The following PCDH11X variants were observed in gnomAD, a reference collection of about 807,000 sequenced individuals.
PCDH11X encodes the protein protocadherin-11 X-linked.
PCDH11X carries 18 observed loss-of-function variants against 53.3 expected under a neutral mutation model. That is an observed-to-expected ratio of 0.34 (90% confidence interval 0.23 to 0.50). The LOEUF is 0.50. Ranked by LOEUF, PCDH11X falls within the 20% of genes least tolerant of loss-of-function variation. The pLI is 0.98. For missense variants in PCDH11X, 570 were observed against 1,032.4 expected, an observed-to-expected ratio of 0.55 and a Z score of 6.14; for synonymous variants, 279 against 393.3, an observed-to-expected ratio of 0.71 and a Z score of 3.44.
intron 10 of PCDH11X, among the ~76,000 whole-genome samples, chrX:92,588,763 A>G (rs1452351717): frequency 9.1e-6 from 1 of 110,349 alleles, no homozygotes; most frequent in Admixed American, 9.8e-5. Flanking sequence ...ATACTATTGA[A>G]TAACAGAGAA....
chrX:92,488,252 T>G (rs768854725), intron 10 of PCDH11X, among the ~76,000 whole-genome samples: 2 of 110,738 alleles, frequency 1.8e-5, no homozygotes, highest in African/African-American at 6.6e-5. Context: ...TTCAGTGTCT[T>G]GAGAATTAAC....
chrX:92,534,652 G>C (rs1469604228), intron 10 of PCDH11X, among the ~76,000 whole-genome samples: 1 of 111,401 alleles, frequency 9.0e-6, no homozygotes, highest in African/African-American at 3.3e-5. Context: ...GGCAGCCAGA[G>C]AGAAAGGTCA....
At chrX:92,268,712 G>T (rs1159017995) in intron 8 of PCDH11X, among the ~76,000 whole-genome samples, 1 of 111,473 alleles carries the variant, frequency 9.0e-6, no homozygotes, top group Non-Finnish European at 1.9e-5. Context: ...TAACTCAATG[G>T]TAATGGCTGA....
intron 6 of PCDH11X, among the ~76,000 whole-genome samples, chrX:91,959,737 G>C: frequency 9.8e-6 from 1 of 102,201 alleles, no homozygotes; most frequent in Middle Eastern, 5.1e-3. Flanking sequence ...TGGCTATTGT[G>C]AATGCTGCAA....
At position 92,358,023 on chromosome X, in the gene PCDH11X, G is replaced by A. The variant is rs762009459; in HGVS notation, c.3145-29712G>A. Among the ~76,000 whole-genome samples the A allele has an allele frequency of 7.8e-4, 86 of 109,562 alleles. 1 individual carries two copies. The highest frequency in any genetic ancestry group is 2.5e-3 in the African/African-American group (76 of 30,209). On this transcript the variant is annotated intron_variant, in intron 8 of 10. Coordinates refer to ENST00000682573, the MANE Select transcript of PCDH11X (RefSeq NM_032968.5). The stretch of plus-strand genomic sequence containing the variant: ...TGTAGAATGGACAATAATTGGTGAC[G>A]TCTATGGGGCCAAAGCCAAGGACCC...
At chrX:92,097,380 A>G (rs1435107288) in intron 6 of PCDH11X, among the ~76,000 whole-genome samples, 1 of 107,514 alleles carries the variant, frequency 9.3e-6, no homozygotes, top group African/African-American at 3.4e-5. Flanking sequence ...ACTGCATTCC[A>G]GACTGGGAAA....
intron 6 of PCDH11X, among the ~76,000 whole-genome samples, chrX:92,015,198 T>C (rs1231706495): frequency 8.9e-6 from 1 of 111,870 alleles, no homozygotes; most frequent in African/African-American, 3.3e-5. Context: ...TGGTGGACTT[T>C]AATCTTTATT....
intron 7 of PCDH11X, among the ~76,000 whole-genome samples, chrX:92,236,987 T>A (rs771583440): frequency 9.0e-6 from 1 of 110,658 alleles, no homozygotes; most frequent in African/African-American, 3.3e-5. Context: ...AAATCAAAAT[T>A]GTAAATCCAA....
intron 8 of PCDH11X, among the ~76,000 whole-genome samples, chrX:92,332,410 G>A (rs2069513028): frequency 9.0e-6 from 1 of 111,625 alleles, no homozygotes; most frequent in African/African-American, 3.3e-5. Flanking sequence ...GCACACATGT[G>A]TGCATTCACA....
chrX:92,433,637 G>A, intron 9 of PCDH11X, among the ~76,000 whole-genome samples: 1 of 109,734 alleles, frequency 9.1e-6, no homozygotes, highest in South Asian at 4.0e-4. Context: ...GTGTAGAATA[G>A]TGTAAAAAAC....
chrX:91,798,747 G>T (rs1253200991), intron 1 of PCDH11X, among the ~76,000 whole-genome samples: 1 of 110,787 alleles, frequency 9.0e-6, no homozygotes. Flanking sequence ...CTAATATTCA[G>T]TATCACTTTG....
chrX:92,424,001 T>G (rs2148618193), intron 9 of PCDH11X, among the ~76,000 whole-genome samples: 1 of 80,332 alleles, frequency 1.2e-5, no homozygotes, highest in African/African-American at 4.3e-5. Context: ...AACTGGGGGA[T>G]TGTTTTTTCT....
intron 1 of PCDH11X, among the ~76,000 whole-genome samples, chrX:91,800,169 T>A (rs1485172027): frequency 9.0e-6 from 1 of 110,646 alleles, no homozygotes; most frequent in Admixed American, 9.7e-5. Context: ...ACTCTCTTTT[T>A]TCCTTCTTCC....
At chrX:92,047,636 A>C (rs190009250) in intron 6 of PCDH11X, among the ~76,000 whole-genome samples, 1 of 111,260 alleles carries the variant, frequency 9.0e-6, no homozygotes, top group East Asian at 2.8e-4. Flanking sequence ...AAAGGTGAGC[A>C]GCATTTTCTA....
At chrX:92,253,074 TA>T (rs2067491131) in intron 7 of PCDH11X, among the ~76,000 whole-genome samples, 1 of 111,510 alleles carries the variant, frequency 9.0e-6, no homozygotes, top group African/African-American at 3.3e-5. Context: ...GGAGACAGGA[TA>T]AAGAAGGAGT....
chrX:92,196,930 T>G (rs911148196), intron 6 of PCDH11X, among the ~76,000 whole-genome samples: 2 of 111,249 alleles, frequency 1.8e-5, no homozygotes, highest in Non-Finnish European at 3.8e-5. Flanking sequence ...TTAGAGAAGA[T>G]AAAACCATAA....
At chrX:92,085,914 T>G (rs1040322706) in intron 6 of PCDH11X, among the ~76,000 whole-genome samples, 2 of 111,738 alleles carry the variant, frequency 1.8e-5, no homozygotes, top group African/African-American at 6.5e-5. Context: ...AATTAAGATA[T>G]GCCATAAGTA....
intron 6 of PCDH11X, among the ~76,000 whole-genome samples, chrX:92,045,537 T>C (rs1007707120): frequency 4.6e-5 from 5 of 109,381 alleles, no homozygotes; most frequent in African/African-American, 1.3e-4. Context: ...ATTGGGTTAA[T>C]GTATGAAACA....
chrX:92,432,851 T>C (rs987384760), intron 9 of PCDH11X, among the ~76,000 whole-genome samples: 1 of 109,300 alleles, frequency 9.1e-6, no homozygotes, highest in Non-Finnish European at 1.9e-5. Flanking sequence ...TGAACAAACT[T>C]TCATAAGTTT....
Sources: gnomAD v4.1 joint callset for allele counts (sites outside exome capture counted in the v4.1 genomes callset) on GRCh38, gnomAD v4.1.1 for gene constraint, MANE v1.5 for transcripts, NCBI Gene and HGNC (gene_info 2026-07-23, HGNC 2026-07-21) for gene names.